OSCP1: variants seen among roughly 807,000 people sequenced by gnomAD.
OSCP1 encodes the protein protein OSCP1.
A neutral mutation model predicts 45.1 loss-of-function variants in OSCP1; 35 were observed. The observed-to-expected ratio is 0.78, with a 90% CI of 0.59 to 1.03. The LOEUF is 1.03. OSCP1 is among the 50% of genes least tolerant of loss of function. The probability of loss-of-function intolerance (pLI) is 0.00; values close to 1 mark genes in which losing one functional copy is unlikely to be tolerated. For missense variants in OSCP1, 400 were observed against 470.7 expected (o/e 0.85, Z 1.39); for synonymous variants, 179 against 180.1 (o/e 0.99, Z 0.05).
intron 2 of OSCP1, among the ~76,000 whole-genome samples, chr1:36,436,908 T>C (rs1404649281): frequency 1.3e-5 from 2 of 152,188 alleles, no homozygotes; most frequent in Non-Finnish European, 2.9e-5. Context: ...TTTGTAAGCA[T>C]GACCAACCAA....
At chr1:36,435,091 CTTT>C (rs201268337) in intron 2 of OSCP1, among the ~76,000 whole-genome samples, 5 of 125,746 alleles carry the variant, frequency 4.0e-5, no homozygotes, top group Non-Finnish European at 5.0e-5. Flanking sequence ...TTTTCTTTTT[CTTT>C]TTTTTTTTTT....
chr1:36,431,728 G>C (rs1648372864), intron 4 of OSCP1, 74 bp downstream of exon 4: 1 of 1,428,316 alleles, frequency 7.0e-7, no homozygotes, highest in Admixed American at 1.9e-5. Flanking sequence ...GTCCTTGTTT[G>C]CCCTCATGAC....
chr1:36,418,493 G>T, intron 9 of OSCP1: 1 of 566,410 alleles, frequency 1.8e-6, no homozygotes, highest in Non-Finnish European at 3.2e-6. Context: ...AATAGCAGAT[G>T]GGTATAGTTA....
chr1:36,423,288 C>T (rs115230603), intron 5 of OSCP1, 75 bp downstream of exon 5: 60,121 of 1,174,536 alleles, frequency 0.051, 1,834 homozygotes, highest in Middle Eastern at 0.099. Flanking sequence ...CTTGGCAGTG[C>T]GGCATTCCGT....
chr1:36,419,977 CTT>C (rs56851568), intron 8 of OSCP1, among the ~76,000 whole-genome samples: 38 of 136,164 alleles, frequency 2.8e-4, no homozygotes, highest in African/African-American at 4.3e-4. Flanking sequence ...CACACCGTCT[CTT>C]TTTTTTTTTT....
At position 36,424,540 on chromosome 1, in the gene OSCP1, G is replaced by A. The variant is rs575550517; in HGVS notation, c.517-1074C>T. Reference sequence around the variant, plus strand: ...AAGGTCAGCCAGCTGGTAAGGGGCAGAGCTGAGGATTCAAACTCCTGTGAT... The same window carrying A: ...AAGGTCAGCCAGCTGGTAAGGGGCAAAGCTGAGGATTCAAACTCCTGTGAT... On this transcript the variant is annotated intron_variant, in intron 4 of 9. Coordinates refer to ENST00000235532, the MANE Select transcript of OSCP1 (RefSeq NM_145047.5). Among the ~76,000 whole-genome samples, 10 of 152,336 alleles carry A rather than the reference G, an allele frequency of 6.6e-5. No homozygotes were observed. In the South Asian group the frequency reaches 2.1e-3, roughly 32 times the overall value.
chr1:36,441,750 C>CAAAAAAA (rs575967932), intron 1 of OSCP1, among the ~76,000 whole-genome samples: 1 of 58,280 alleles, frequency 1.7e-5, no homozygotes, highest in African/African-American at 6.2e-5. Context: ...GACTCCAGCT[C>CAAAAAAA]AAAAAAAAAA....
At chr1:36,427,592 C>T (rs1648058472) in intron 4 of OSCP1, among the ~76,000 whole-genome samples, 1 of 152,176 alleles carries the variant, frequency 6.6e-6, no homozygotes, top group Non-Finnish European at 1.5e-5. Flanking sequence ...GCTGGGATTA[C>T]AGGCGTGAGC....
intron 4 of OSCP1, 59 bp downstream of exon 4, chr1:36,431,743 A>C: frequency 6.5e-7 from 1 of 1,544,216 alleles, no homozygotes; most frequent in Non-Finnish European, 8.9e-7. Flanking sequence ...CATGACTACC[A>C]GGGTTGTTTC....
intron 1 of OSCP1, chr1:36,448,033 C>T: frequency 3.1e-6 from 1 of 317,496 alleles, no homozygotes; most frequent in Non-Finnish European, 6.6e-6. Context: ...CAGACCTCCT[C>T]TTGAAAGATA....
chr1:36,430,921 C>T (rs372384485), intron 4 of OSCP1, among the ~76,000 whole-genome samples: 3 of 152,210 alleles, frequency 2.0e-5, no homozygotes, highest in African/African-American at 7.2e-5. Context: ...TCCCAATGTG[C>T]TGGGATTACA....
intron 7 of OSCP1, 21 bp downstream of exon 7, chr1:36,422,129 G>A (rs993842574): frequency 1.9e-6 from 3 of 1,607,170 alleles, no homozygotes. Flanking sequence ...GTGAGGGTAG[G>A]CAAGGAAGGC....
chr1:36,418,393 A>G, intron 9 of OSCP1, 138 bp from the exon 10 acceptor site: 1 of 695,498 alleles, frequency 1.4e-6, no homozygotes, highest in Non-Finnish European at 2.5e-6. Context: ...AAGGGATTGT[A>G]GTTACAGGCT....
rs934193643 is a variant in OSCP1 at position 36,418,441 on chromosome 1, T to C, written c.1024-186A>G. ...GAAGAGGGTCTATATATTTTTTTTC[T>C]TAATCAACATGTATGTGACCAAGCA... On this transcript the variant is annotated intron_variant, in intron 9 of 9. Coordinates refer to ENST00000235532, the MANE Select transcript of OSCP1 (RefSeq NM_145047.5). 1.3e-5 allele frequency: 8 copies of C among 609,570 alleles called. No individual in the cohort carries two copies. In the African/African-American group the frequency reaches 1.5e-4, roughly 11 times the overall value. 37.8% of individuals were successfully genotyped at this position (609,570 alleles called of 1,614,324 possible).
chr1:36,438,806 G>A lies in OSCP1; in HGVS notation c.217C>T (p.Arg73Cys), dbSNP rs145212649. 1.5e-5 allele frequency: 24 copies of A among 1,613,986 alleles called. No homozygotes were observed. In the East Asian group the frequency reaches 3.1e-4, roughly 21 times the overall value. Residue 73 changes from arginine to cysteine, a missense_variant, in exon 2 of 10, where the codon CGC (arginine) becomes TGC (cysteine). By Grantham distance (180) the Arg-to-Cys change is radical. Coordinates refer to ENST00000235532, the MANE Select transcript of OSCP1 (RefSeq NM_145047.5). ...TTCATAATGGAGGCATGAGCCAGGC[G>A]CTCATAGACAGTCCTCAGGGCCTTC... The part of the protein sequence containing the change: ...SKKALRTVYE[R>C]LAHASIMKLN...
chr1:36,420,330 CTATT>C, intron 8 of OSCP1, 142 bp downstream of exon 8: 1 of 1,017,714 alleles, frequency 9.8e-7, no homozygotes, highest in East Asian at 2.6e-5. Context: ...TCCTGGTGGG[CTATT>C]TAGATTATTA....
intron 4 of OSCP1, chr1:36,428,405 T>G: frequency 1.2e-6 from 2 of 1,614,130 alleles, no homozygotes; most frequent in Non-Finnish European, 1.7e-6. Flanking sequence ...CTCCATATAG[T>G]TCCCCACTCC....
At chr1:36,428,618 C>A in intron 4 of OSCP1, 1 of 1,024,396 alleles carries the variant, frequency 9.8e-7, no homozygotes, top group Non-Finnish European at 1.3e-6. Flanking sequence ...TGGAGCTAGT[C>A]CTATAGTTGG....
intron 4 of OSCP1, among the ~76,000 whole-genome samples, chr1:36,430,564 G>A (rs1648295717): frequency 1.3e-5 from 2 of 151,952 alleles, no homozygotes; most frequent in Non-Finnish European, 2.9e-5. Context: ...GAGCCCAAAA[G>A]TTAGAGACCA....
Sources: allele counts gnomAD v4.1 joint callset (sites outside exome capture counted in the v4.1 genomes callset), GRCh38; gene constraint gnomAD v4.1.1; transcripts MANE v1.5; gene names NCBI Gene and HGNC (gene_info 2026-07-23, HGNC 2026-07-21).